Variants in SLC25A29 observed in about 807,000 individuals in gnomAD.
SLC25A29 encodes the protein mitochondrial basic amino acids transporter.
Under a neutral mutation model 10.0 loss-of-function variants are expected in SLC25A29, and 13 were observed. The observed-to-expected ratio is 1.30, with a 90% CI of 0.85 to 2.07. SLC25A29 has a LOEUF of 2.07. Ranked by LOEUF, SLC25A29 falls within the 30% of genes most tolerant of loss-of-function variation. The pLI, the probability that SLC25A29 is intolerant of heterozygous loss-of-function variation, is 0.00. For synonymous variants in SLC25A29, 244 were observed against 221.1 expected, an observed-to-expected ratio of 1.10 and a Z score of -0.92; for missense variants, 475 against 447.6, an observed-to-expected ratio of 1.06 and a Z score of -0.55.
At chr14:100,285,126 G>T in the SLC25A29 span, among the ~76,000 whole-genome samples, 4 of 151,966 alleles carry the variant, frequency 2.6e-5, no homozygotes, top group Admixed American at 2.6e-4. Context: ...GTGTTTGCAT[G>T]GCTTCTTCTT....
intron 2 of SLC25A29, chr14:100,295,152 T>C (rs1261587958): frequency 6.2e-6 from 1 of 162,386 alleles, no homozygotes; most frequent in African/African-American, 2.4e-5. Context: ...AATGTCAGGC[T>C]TAGGTCAACT....
At chr14:100,282,336 G>T in the SLC25A29 span, 1 of 151,996 alleles carries the variant, frequency 6.6e-6, no homozygotes, top group Non-Finnish European at 1.5e-5. Context: ...TGAGGAGGGG[G>T]CAGTTTGCTG....
Position 100,291,356 on chromosome 14 carries a change from ACCTTTGGCTT to A in SLC25A29, c.*917_*926del, listed in dbSNP as rs1891678619. 6.6e-6 allele frequency: 1 copy of A among 152,448 alleles called. No individual in the cohort carries two copies. The highest frequency in any genetic ancestry group is 2.1e-4 in the South Asian group (1 of 4,832). 9.4% of individuals were successfully genotyped at this position (152,448 alleles called of 1,614,324 possible). On this transcript the variant is annotated 3_prime_UTR_variant, in exon 4 of 4. Coordinates refer to ENST00000359232, the MANE Select transcript of SLC25A29 (RefSeq NM_001039355.3). ...CGTTTGCTGGGGAGCAGAGGGACTGACCTTTGGCTTCTTTGTGGCTGGAGGTGTTCCAGGC... is the reference window on the plus strand; with the variant it reads ...CGTTTGCTGGGGAGCAGAGGGACTGACTTTGTGGCTGGAGGTGTTCCAGGC...
chr14:100,290,397 T>A (rs1595345108), downstream of SLC25A29, among the ~76,000 whole-genome samples: 1 of 152,050 alleles, frequency 6.6e-6, no homozygotes, highest in Admixed American at 6.5e-5. Context: ...ACCCCAGGGG[T>A]CAACAGCCAG....
At chr14:100,306,160 C>A in intron 1 of SLC25A29, 39 bp downstream of exon 1, 1 of 1,406,924 alleles carries the variant, frequency 7.1e-7, no homozygotes, top group Non-Finnish European at 9.3e-7. Flanking sequence ...CCTCCCCGGA[C>A]GCCTCGCCCC....
chr14:100,290,022 C>A (rs1338737626), downstream of SLC25A29, among the ~76,000 whole-genome samples: 2 of 152,226 alleles, frequency 1.3e-5, no homozygotes, highest in African/African-American at 4.8e-5. Context: ...CCACTCCTCA[C>A]TTCTGAAGGG....
At chr14:100,299,391 A>ACCT in intron 1 of SLC25A29, 1 of 996,820 alleles carries the variant, frequency 1.0e-6, no homozygotes, top group Non-Finnish European at 1.2e-6. Flanking sequence ...GTAAAGGTTT[A>ACCT]CCTCCCTCCC....
intron 2 of SLC25A29, chr14:100,298,386 G>A (rs949014070): frequency 8.8e-5 from 16 of 181,816 alleles, no homozygotes; most frequent in South Asian, 4.6e-4. Flanking sequence ...TCAAGGAACC[G>A]GCTAACAGGG....
chr14:100,305,735 C>T (rs1339813960), intron 1 of SLC25A29: 1 of 155,750 alleles, frequency 6.4e-6, no homozygotes, highest in Non-Finnish European at 1.4e-5. Context: ...CAAGGCCAGC[C>T]GAGTAGGGGG....
Position 100,292,259 on chromosome 14 carries a change from T to C in SLC25A29, c.*24A>G. 6.5e-7 allele frequency: 1 copy of C among 1,532,610 alleles called. No homozygotes were observed. Among genetic ancestry groups the C allele is most frequent in the Non-Finnish European group, 8.8e-7 (1 of 1,140,904 alleles). 94.9% of individuals were successfully genotyped at this position (1,532,610 alleles called of 1,614,324 possible). On this transcript the variant is annotated 3_prime_UTR_variant, in exon 4 of 4. Transcript: ENST00000359232. ...GTCCCAGGTTTCTGAGAAGGAGCCCTGGGGAAGGAGGGCGGGGTGAGCGTC... is the reference window on the plus strand; with the variant it reads ...GTCCCAGGTTTCTGAGAAGGAGCCCCGGGGAAGGAGGGCGGGGTGAGCGTC...
At chr14:100,298,298 G>A (rs987458799) in intron 2 of SLC25A29, 1 of 158,924 alleles carries the variant, frequency 6.3e-6, no homozygotes, top group African/African-American at 2.4e-5. Context: ...TTTCCAGCTG[G>A]AGGGCATAGA....
chr14:100,290,129 G>T (rs141687277), downstream of SLC25A29, among the ~76,000 whole-genome samples: 2 of 152,316 alleles, frequency 1.3e-5, no homozygotes, highest in African/African-American at 4.8e-5. Context: ...CCTGACAAGG[G>T]TCACGTTGGG....
At chr14:100,284,573 T>G in the SLC25A29 span, among the ~76,000 whole-genome samples, 1 of 152,208 alleles carries the variant, frequency 6.6e-6, no homozygotes, top group African/African-American at 2.4e-5. Context: ...TCACCTCTTG[T>G]CCTGTCCCTC....
At chr14:100,303,622 C>T (rs1488692666) in intron 1 of SLC25A29, among the ~76,000 whole-genome samples, 8 of 152,184 alleles carry the variant, frequency 5.3e-5, no homozygotes, top group Admixed American at 1.3e-4. Context: ...GCTGTGGGGC[C>T]GGCCTCCATT....
the SLC25A29 span, among the ~76,000 whole-genome samples, chr14:100,283,907 A>G: frequency 6.6e-6 from 1 of 151,984 alleles, no homozygotes; most frequent in Non-Finnish European, 1.5e-5. Context: ...GGTAAGAGAC[A>G]GGGTCTTGCT....
intron 2 of SLC25A29, among the ~76,000 whole-genome samples, chr14:100,297,014 G>A (rs1236655539): frequency 6.6e-6 from 1 of 152,160 alleles, no homozygotes; most frequent in Non-Finnish European, 1.5e-5. Flanking sequence ...AACCGAGGCA[G>A]GAGAATCACT....
chr14:100,304,706 G>A (rs182795991), intron 1 of SLC25A29, among the ~76,000 whole-genome samples: 2 of 152,334 alleles, frequency 1.3e-5, no homozygotes, highest in African/African-American at 4.8e-5. Flanking sequence ...GACATTCCAG[G>A]CAAGGAGGCT....
chr14:100,292,252 G>T lies in SLC25A29; in HGVS notation c.*31C>A. On this transcript the variant is annotated 3_prime_UTR_variant, in exon 4 of 4. Transcript: ENST00000359232. ...AATTTATGTCCCAGGTTTCTGAGAAGGAGCCCTGGGGAAGGAGGGCGGGGT... is the reference window on the plus strand; with the variant it reads ...AATTTATGTCCCAGGTTTCTGAGAATGAGCCCTGGGGAAGGAGGGCGGGGT... The T allele has an allele frequency of 6.5e-7, 1 of 1,531,536 alleles. No individual in the cohort carries two copies. The allele number at this position is 1,531,536 out of a possible 1,614,324, so 94.9% of individuals were successfully genotyped here.
intron 1 of SLC25A29, among the ~76,000 whole-genome samples, chr14:100,303,696 G>A (rs543321485): frequency 5.9e-5 from 9 of 152,232 alleles, no homozygotes; most frequent in East Asian, 5.8e-4. Context: ...CAGCAGAAGC[G>A]GAACCCTGTC....
Sources: gnomAD v4.1 joint callset for allele counts (sites outside exome capture counted in the v4.1 genomes callset) on GRCh38, gnomAD v4.1.1 for gene constraint, MANE v1.5 for transcripts, NCBI Gene and HGNC (gene_info 2026-07-23, HGNC 2026-07-21) for gene names.